The following CHCHD6 variants were observed in gnomAD, a reference collection of about 807,000 sequenced individuals.
The protein encoded by CHCHD6 is coiled-coil-helix-coiled-coil-helix domain containing 6, also known as MICOS complex subunit MIC25.
Under a neutral mutation model 32.3 loss-of-function variants are expected in CHCHD6, and 28 were observed. That is an observed-to-expected ratio of 0.87 (90% CI 0.64 to 1.19). CHCHD6 has a LOEUF of 1.19. Ranked by LOEUF, CHCHD6 falls within the 50% of genes most tolerant of loss-of-function variation. The pLI, the probability that CHCHD6 is intolerant of heterozygous loss-of-function variation, is 0.00. For synonymous variants in CHCHD6, 122 were observed against 117.5 expected (o/e 1.04, Z -0.25); for missense variants, 333 against 307.0 (o/e 1.08, Z -0.63).
intron 4 of CHCHD6, among the ~76,000 whole-genome samples, chr3:126,790,603 A>G (rs1938481118): frequency 6.6e-6 from 1 of 152,104 alleles, no homozygotes; most frequent in Non-Finnish European, 1.5e-5. Context: ...CCTTTCTTCC[A>G]GCTGATTGAA....
chr3:126,873,907 G>A (rs1207039311), intron 5 of CHCHD6, among the ~76,000 whole-genome samples: 3 of 152,300 alleles, frequency 2.0e-5, no homozygotes, highest in East Asian at 1.9e-4. Flanking sequence ...TGGTAGAAGC[G>A]GGATTTAAAC....
intron 4 of CHCHD6, among the ~76,000 whole-genome samples, chr3:126,760,149 A>C (rs147597979): frequency 6.6e-6 from 1 of 152,320 alleles, no homozygotes; most frequent in East Asian, 1.9e-4. Context: ...TTACATTTCA[A>C]CATGAGATTT....
chr3:126,777,572 TC>T (rs565447115), intron 4 of CHCHD6, among the ~76,000 whole-genome samples: 189 of 152,276 alleles, frequency 1.2e-3, no homozygotes, highest in Non-Finnish European at 2.2e-3. Context: ...AGGCACCTCT[TC>T]TGCTTAGATA....
At chr3:126,917,945 T>G (rs2078194747) in intron 6 of CHCHD6, among the ~76,000 whole-genome samples, 1 of 152,232 alleles carries the variant, frequency 6.6e-6, no homozygotes. Flanking sequence ...CGTCTATTGT[T>G]TATAAGCTGC....
At chr3:126,776,239 A>G (rs1367555453) in intron 4 of CHCHD6, among the ~76,000 whole-genome samples, 2 of 152,162 alleles carry the variant, frequency 1.3e-5, no homozygotes, top group Non-Finnish European at 2.9e-5. Flanking sequence ...CCTAAATTAT[A>G]TTTTGCATAT....
At chr3:126,817,472 C>T (rs142332403) in intron 4 of CHCHD6, among the ~76,000 whole-genome samples, 4 of 152,316 alleles carry the variant, frequency 2.6e-5, no homozygotes, top group African/African-American at 9.6e-5. Flanking sequence ...CCCTGCCCCA[C>T]ATCTGTGCTG....
chr3:126,735,899 G>A (rs1470324723), intron 4 of CHCHD6, among the ~76,000 whole-genome samples: 1 of 152,154 alleles, frequency 6.6e-6, no homozygotes, highest in Admixed American at 6.5e-5. Flanking sequence ...TCCTATAGGA[G>A]GTGCTACAGA....
Position 126,704,302 on chromosome 3 carries a change from G to A in CHCHD6, c.-11G>A, listed in dbSNP as rs1202612544. ...CGGGTCTGGTGGCTGCCGGCCCTGC[G>A]GCATCTCGCCATGGGGAGCACGGAG... On this transcript the variant is annotated 5_prime_UTR_variant, in exon 1 of 8. Coordinates refer to ENST00000290913, the MANE Select transcript of CHCHD6 (RefSeq NM_032343.3). 6.2e-7 allele frequency: 1 copy of A among 1,601,674 alleles called. No homozygotes were observed. The highest frequency in any genetic ancestry group is 8.5e-7 in the Non-Finnish European group (1 of 1,176,278).
chr3:126,822,118 G>T (rs180823332), intron 4 of CHCHD6, among the ~76,000 whole-genome samples: 3 of 152,154 alleles, frequency 2.0e-5, no homozygotes, highest in East Asian at 3.9e-4. Flanking sequence ...TGTAAAACAC[G>T]TATCTATAAA....
intron 4 of CHCHD6, among the ~76,000 whole-genome samples, chr3:126,758,918 AATG>A (rs1245919677): frequency 2.6e-5 from 4 of 152,302 alleles, no homozygotes; most frequent in African/African-American, 9.6e-5. Context: ...ATAAAGAGTA[AATG>A]GTCAGTACCC....
chr3:126,818,484 A>G (rs1940005972), intron 4 of CHCHD6, among the ~76,000 whole-genome samples: 1 of 152,140 alleles, frequency 6.6e-6, no homozygotes, highest in Non-Finnish European at 1.5e-5. Flanking sequence ...TTGATTCTAT[A>G]TTAAAATTTA....
chr3:126,751,277 C>T (rs987970705), intron 4 of CHCHD6, among the ~76,000 whole-genome samples: 4 of 151,588 alleles, frequency 2.6e-5, no homozygotes, highest in East Asian at 1.9e-4. Flanking sequence ...AGAGGTGGGC[C>T]GATTGCTTGA....
intron 4 of CHCHD6, among the ~76,000 whole-genome samples, chr3:126,796,212 T>G (rs1261042718): frequency 6.6e-6 from 1 of 152,098 alleles, no homozygotes; most frequent in African/African-American, 2.4e-5. Flanking sequence ...TAGCCGGGCT[T>G]GGTGGTGTAC....
chr3:126,906,672 G>A (rs1356871434), intron 5 of CHCHD6, among the ~76,000 whole-genome samples: 1 of 152,158 alleles, frequency 6.6e-6, no homozygotes, highest in Non-Finnish European at 1.5e-5. Flanking sequence ...CCCCTACCTT[G>A]TTGTTCCTTT....
intron 1 of CHCHD6, among the ~76,000 whole-genome samples, chr3:126,726,272 G>A (rs1343561430): frequency 2.0e-5 from 3 of 152,206 alleles, no homozygotes; most frequent in Admixed American, 6.5e-5. Context: ...AGAGACAGGG[G>A]TCGGGGAATG....
chr3:126,914,616 A>C (rs572103974), intron 5 of CHCHD6, 64 bp from the exon 6 acceptor site: 161 of 882,588 alleles, frequency 1.8e-4, no homozygotes, highest in Non-Finnish European at 2.8e-4. Flanking sequence ...ATGTGGTTGC[A>C]TCCCATTAGA....
In CHCHD6 at chr3:126,764,907, G is replaced by T. The variant is rs184941121; in HGVS notation, c.411+31685G>T. Among the ~76,000 whole-genome samples, 389 of 152,258 alleles carry T rather than the reference G, an allele frequency of 2.6e-3. 2 individuals are homozygous for T. The highest frequency in any genetic ancestry group is 6.8e-3 in the Middle Eastern group (2 of 294). ...ACTGATTGAACACAGAACACGAGAT[G>T]CACGTGGCATCTCTAAGACTTAAGT... is the stretch of plus-strand genomic sequence containing the variant. On this transcript the variant is annotated intron_variant, in intron 4 of 7. Coordinates refer to ENST00000290913, the MANE Select transcript of CHCHD6 (RefSeq NM_032343.3).
Position 126,876,607 on chromosome 3 carries a change from G to A in CHCHD6, c.495+23877G>A, listed in dbSNP as rs73205620. On this transcript the variant is annotated intron_variant, in intron 5 of 7. Coordinates refer to ENST00000290913, the MANE Select transcript of CHCHD6 (RefSeq NM_032343.3). ...ATGAACATGTGATCTTAAAAATATC[G>A]GCAGTACTTTTAAATGTGTTATCAT... is the stretch of plus-strand genomic sequence containing the variant. 7.3e-3 allele frequency among the ~76,000 whole-genome samples: 1,113 copies of A among 152,200 alleles called. 7 individuals are homozygous for A. The highest frequency in any genetic ancestry group is 0.012 in the Non-Finnish European group (813 of 68,022).
intron 4 of CHCHD6, among the ~76,000 whole-genome samples, chr3:126,788,301 C>T (rs1383734922): frequency 6.6e-6 from 1 of 152,110 alleles, no homozygotes; most frequent in East Asian, 1.9e-4. Flanking sequence ...TTGGTTGTGT[C>T]TCTGCCAGGC....
Sources: gnomAD v4.1 joint callset for allele counts (sites outside exome capture counted in the v4.1 genomes callset) on GRCh38, gnomAD v4.1.1 for gene constraint, MANE v1.5 for transcripts, NCBI Gene and HGNC (gene_info 2026-07-23, HGNC 2026-07-21) for gene names.